Variants in MPHOSPH10 observed in about 807,000 individuals in gnomAD.
MPHOSPH10 encodes U3 small nucleolar ribonucleoprotein MPP10.
A neutral mutation model predicts 77.3 loss-of-function variants in MPHOSPH10; 33 were observed. The observed-to-expected ratio is 0.43, with a 90% CI of 0.32 to 0.57. The LOEUF (loss-of-function observed/expected upper bound fraction) is 0.57, where lower values mean the gene tolerates loss of function less well. Ranked by LOEUF, MPHOSPH10 falls within the 20% of genes least tolerant of loss-of-function variation. The probability of loss-of-function intolerance (pLI) is 0.07; values close to 1 mark genes in which losing one functional copy is unlikely to be tolerated. For missense variants in MPHOSPH10, 708 were observed against 780.1 expected, an observed-to-expected ratio of 0.91 and a Z score of 1.10; for synonymous variants, 245 against 268.0, an observed-to-expected ratio of 0.91 and a Z score of 0.84.
Position 71,150,044 on chromosome 2 carries a change from T to C in MPHOSPH10, c.*29T>C. On this transcript the variant is annotated 3_prime_UTR_variant, in exon 11 of 11. Coordinates refer to ENST00000244230, the MANE Select transcript of MPHOSPH10 (RefSeq NM_005791.3). ...ATTTTGAATATAATGTAAATATTAA[T>C]GTGTAAGCTTATATTGTGTCATTGT... 9.0e-7 allele frequency: 1 copy of C among 1,112,708 alleles called. No homozygotes were observed. The highest frequency in any genetic ancestry group is 1.2e-6 in the Non-Finnish European group (1 of 808,014). 68.9% of individuals were successfully genotyped at this position (1,112,708 alleles called of 1,614,324 possible).
intron 4 of MPHOSPH10, among the ~76,000 whole-genome samples, chr2:71,135,693 T>A (rs1195908228): frequency 6.7e-6 from 1 of 149,622 alleles, no homozygotes; most frequent in Non-Finnish European, 1.5e-5. Flanking sequence ...GTCTTTTCTT[T>A]TTCTTTTTCT....
intron 8 of MPHOSPH10, among the ~76,000 whole-genome samples, chr2:71,145,775 C>G (rs1225731445): frequency 6.6e-6 from 1 of 152,162 alleles, no homozygotes; most frequent in Non-Finnish European, 1.5e-5. Context: ...CCCCCACCCC[C>G]ACTGATCTTC....
rs1558750909 is a variant in MPHOSPH10, at chr2:71,130,710, G to A, written c.45G>A (p.Leu15=). The part of the protein sequence containing the change: ...VWRRRTLERC[L]TEVGKATGRP... ...GTCGACGGACCCTGGAGCGGTGTCTGACGGAAGTCGGCAAAGCCACGGGTC... is the reference window on the plus strand; with the variant it reads ...GTCGACGGACCCTGGAGCGGTGTCTAACGGAAGTCGGCAAAGCCACGGGTC... The change falls in exon 1 of 11, where the codon CTG becomes CTA. Residue 15 remains leucine, a synonymous_variant. Transcript: ENST00000244230. 2 of 1,611,070 alleles carry A rather than the reference G, an allele frequency of 1.2e-6. No individual in the cohort carries two copies. The highest frequency in any genetic ancestry group is 1.7e-6 in the Non-Finnish European group (2 of 1,179,378).
chr2:71,140,272 TAC>T (rs1673586669), intron 6 of MPHOSPH10, among the ~76,000 whole-genome samples: 1 of 152,142 alleles, frequency 6.6e-6, no homozygotes, highest in Non-Finnish European at 1.5e-5. Context: ...TTAAAAGGAA[TAC>T]AGTTATGGAG....
intron 1 of MPHOSPH10, among the ~76,000 whole-genome samples, chr2:71,131,923 T>A (rs1326178118): frequency 6.6e-6 from 1 of 152,206 alleles, no homozygotes; most frequent in Non-Finnish European, 1.5e-5. Context: ...GACATATATG[T>A]GCAGGTCACA....
At chr2:71,139,521 A>T (rs1282207522) in intron 5 of MPHOSPH10, 2 of 233,220 alleles carry the variant, frequency 8.6e-6, no homozygotes, top group Admixed American at 5.6e-5. Flanking sequence ...AGAGGGGAAG[A>T]GTCCCTGGGT....
At chr2:71,139,029 C>T (rs1200834094) in intron 5 of MPHOSPH10, 3 of 422,192 alleles carry the variant, frequency 7.1e-6, no homozygotes, top group Admixed American at 3.7e-5. Flanking sequence ...GGCAACAGAG[C>T]GACACTCTGT....
intron 7 of MPHOSPH10, among the ~76,000 whole-genome samples, chr2:71,143,224 G>A (rs554022463): frequency 3.3e-5 from 5 of 150,078 alleles, no homozygotes; most frequent in South Asian, 4.2e-4. Context: ...TCACTGCAAC[G>A]TCTGCCTCCC....
At chr2:71,138,271 C>A (rs1246375102) in intron 4 of MPHOSPH10, among the ~76,000 whole-genome samples, 1 of 152,082 alleles carries the variant, frequency 6.6e-6, no homozygotes, top group African/African-American at 2.4e-5. Context: ...ATATTATAAA[C>A]ATGGCATTTT....
At position 71,144,493 on chromosome 2, in the gene MPHOSPH10, C is replaced by T. The variant is rs1051030195; in HGVS notation, c.1512C>T (p.Phe504=). 1 of 1,614,174 alleles carries T rather than the reference C, an allele frequency of 6.2e-7. No homozygotes were observed. The highest frequency in any genetic ancestry group is 1.3e-5 in the African/African-American group (1 of 75,062). Residue 504 remains phenylalanine, a synonymous_variant, in exon 8 of 11, where the codon TTC becomes TTT. Transcript: ENST00000244230. Reference sequence around the variant, plus strand: ...TTCAGAAGATGATGGATTCCCTCTTCTTAAAATTGGATGCCCTCTCAAACT... The same window carrying T: ...TTCAGAAGATGATGGATTCCCTCTTTTTAAAATTGGATGCCCTCTCAAACT... ...VEIQKMMDSL[F]LKLDALSNFH... is the part of the protein sequence containing the mutation.
At chr2:71,134,572 GT>G in intron 3 of MPHOSPH10, 53 bp from the exon 4 acceptor site, 1 of 1,504,694 alleles carries the variant, frequency 6.6e-7, no homozygotes, top group Non-Finnish European at 9.0e-7. Context: ...GTTTCCTTTT[GT>G]TTTTCTAATG....
intron 7 of MPHOSPH10, 52 bp downstream of exon 7, chr2:71,141,421 G>A: frequency 7.3e-7 from 1 of 1,370,736 alleles, no homozygotes; most frequent in African/African-American, 1.5e-5. Context: ...TAGAAGTAGA[G>A]AACTAGGCTT....
intron 7 of MPHOSPH10, 141 bp downstream of exon 7, chr2:71,141,510 G>C (rs1463797234): frequency 1.6e-6 from 1 of 644,488 alleles, no homozygotes; most frequent in Non-Finnish European, 2.4e-6. Context: ...GAGCATGCTA[G>C]GAATAGAAGG....
Position 71,139,833 on chromosome 2 carries a change from G to C in MPHOSPH10, c.1279G>C (p.Asp427His), listed in dbSNP as rs1405813498. ...AGAGGAAACCACCCTTCAACTGGAA[G>C]ATATCATTAAACAGAGGATAAGAGA... ...ITEETTLQLE[D>H]IIKQRIRDQA... Residue 427 changes from aspartate (D) to histidine (H), a missense_variant, in exon 6 of 11, where the codon GAT becomes CAT. Around this residue, in one of 3 missense-constraint regions of MPHOSPH10, gnomAD observed 263 missense variants for 320.0 expected, o/e 0.82. Transcript: ENST00000244230. The C allele has an allele frequency of 3.7e-6, 6 of 1,608,982 alleles. No individual in the cohort carries two copies. The South Asian group carries it at 6.6e-5, about 18-fold the overall frequency.
chr2:71,133,509 T>C lies in MPHOSPH10; in HGVS notation c.701T>C (p.Ile234Thr), dbSNP rs146238687. ...GATAATGATGAGGAGGAGGAAGATA[T>C]TGATTTTTTTGAAGATATTGATTCT... The part of the protein sequence containing the change: ...KDDNDEEEED[I>T]DFFEDIDSDE... The change falls in exon 2 of 11, where the codon ATT becomes ACT. Residue 234 changes from isoleucine to threonine, a missense_variant. Physicochemically the swap from Ile to Thr is moderately conservative, Grantham distance 89. Around this residue, in one of 3 missense-constraint regions of MPHOSPH10, gnomAD observed 433 missense variants for 432.6 expected, o/e 1.00. Coordinates refer to ENST00000244230, the MANE Select transcript of MPHOSPH10 (RefSeq NM_005791.3). The C allele has an allele frequency of 8.8e-5, 142 of 1,611,748 alleles. No individual in the cohort carries two copies. The African/African-American group carries it at 1.2e-3, about 13-fold the overall frequency.
intron 5 of MPHOSPH10, 28 bp downstream of exon 5, chr2:71,138,659 T>C (rs1673544750): frequency 6.8e-6 from 11 of 1,613,928 alleles, no homozygotes; most frequent in East Asian, 4.5e-5. Context: ...GTAGTTTTCA[T>C]GTCTGTGCTT....
intron 4 of MPHOSPH10, among the ~76,000 whole-genome samples, chr2:71,136,848 C>CTTTTTTTTTTTTTTT (rs60456435): frequency 8.4e-6 from 1 of 118,644 alleles, no homozygotes; most frequent in African/African-American, 3.2e-5. Context: ...AACTTTCAAC[C>CTTTTTTTTTTTTTTT]TTTTTTTTTT....
At chr2:71,146,704 G>A (rs13422721) in intron 8 of MPHOSPH10, among the ~76,000 whole-genome samples, 1 of 152,064 alleles carries the variant, frequency 6.6e-6, no homozygotes. Context: ...ATGGAACACA[G>A]TGTTTTTAAT....
rs775386676 is a variant in MPHOSPH10, at chr2:71,134,619, A to T, written c.927-7A>T. ...TATTTCTTTTTATAAGAGTTTTGGT[A>T]TTGTAGGGATGAAGATGATGACCTT... On this transcript the variant is annotated splice_polypyrimidine_tract_variant and splice_region_variant and intron_variant, in intron 3 of 10. Transcript: ENST00000244230. The T allele has an allele frequency of 1.3e-6, 2 of 1,587,280 alleles. No homozygotes were observed. The highest frequency in any genetic ancestry group is 2.3e-5 in the South Asian group (2 of 85,318).
Sources: allele counts gnomAD v4.1 joint callset (sites outside exome capture counted in the v4.1 genomes callset), GRCh38; gene constraint gnomAD v4.1.1; regional missense constraint gnomAD v4.1.1; transcripts MANE v1.5; gene names NCBI Gene and HGNC (gene_info 2026-07-23, HGNC 2026-07-21).